The following HELZ variants were observed in gnomAD, a reference collection of about 807,000 sequenced individuals.
HELZ encodes the protein helicase with zinc finger.
Under a neutral mutation model 218.2 loss-of-function variants are expected in HELZ, and 23 were observed. The observed-to-expected ratio is 0.11, with a 90% confidence interval of 0.08 to 0.15. The LOEUF is 0.15. Ranked by LOEUF, HELZ falls within the 10% of genes least tolerant of loss-of-function variation. The pLI is 1.00. For synonymous variants in HELZ, 814 were observed against 829.4 expected (o/e 0.98, Z 0.32); for missense variants, 1,813 against 2,353.7 (o/e 0.77, Z 4.75).
At chr17:67,192,362 A>G (rs1161590109) in intron 9 of HELZ, among the ~76,000 whole-genome samples, 2 of 152,298 alleles carry the variant, frequency 1.3e-5, no homozygotes, top group African/African-American at 4.8e-5. Context: ...CAAATGGTTC[A>G]CCGTATTTGA....
chr17:67,166,294 G>A (rs535236652), intron 15 of HELZ, among the ~76,000 whole-genome samples, 184 bp downstream of exon 15: 3 of 152,272 alleles, frequency 2.0e-5, no homozygotes, highest in Non-Finnish European at 2.9e-5. Flanking sequence ...TTTAGACTCT[G>A]AGAAAAAGTA....
intron 1 of HELZ, 95 bp downstream of exon 1, chr17:67,245,053 C>T (rs1415033988): frequency 2.3e-5 from 23 of 984,794 alleles, no homozygotes; most frequent in Non-Finnish European, 2.7e-5. Flanking sequence ...GCCCGGGGTC[C>T]GGGACACCGG....
At chr17:67,085,553 T>TA (rs2036342802) in intron 32 of HELZ, among the ~76,000 whole-genome samples, 1 of 79,638 alleles carries the variant, frequency 1.3e-5, no homozygotes, top group Admixed American at 1.2e-4. Flanking sequence ...AGCTTTTAAA[T>TA]GTTTTTTTTT....
chr17:67,238,589 G>A (rs1015081712), intron 3 of HELZ, among the ~76,000 whole-genome samples: 1 of 152,040 alleles, frequency 6.6e-6, no homozygotes, highest in Admixed American at 6.6e-5. Flanking sequence ...GGCTGAGGCA[G>A]GAGAATTGCT....
intron 3 of HELZ, among the ~76,000 whole-genome samples, chr17:67,220,502 A>G (rs1208769838): frequency 6.6e-6 from 1 of 151,908 alleles, no homozygotes; most frequent in Non-Finnish European, 1.5e-5. Flanking sequence ...CTTTTTTTTG[A>G]GACAGGGTCT....
At chr17:67,131,899 A>G (rs953637540) in intron 23 of HELZ, among the ~76,000 whole-genome samples, 2 of 152,172 alleles carry the variant, frequency 1.3e-5, no homozygotes, top group Non-Finnish European at 2.9e-5. Context: ...GCATACAATT[A>G]TGAAGCATTT....
At chr17:67,204,997 T>C (rs990749034) in intron 5 of HELZ, among the ~76,000 whole-genome samples, 2 of 152,240 alleles carry the variant, frequency 1.3e-5, no homozygotes, top group African/African-American at 2.4e-5. Context: ...GAAACACGTA[T>C]AAATTTGCCA....
rs201529545 is a variant in HELZ at position 67,122,938 on chromosome 17, T to C, written c.3630+32A>G. 3 of 1,480,232 alleles carry C rather than the reference T, an allele frequency of 2.0e-6. No homozygotes were observed. In the African/African-American group the frequency reaches 4.2e-5, roughly 20 times the overall value. The allele number at this position is 1,480,232 out of a possible 1,614,324, so 91.7% of individuals were successfully genotyped here. A position where few individuals can be genotyped will look rare whatever the true frequency, so the allele number is the denominator to read the frequency against. On this transcript the variant is annotated intron_variant, in intron 26 of 32. Transcript: ENST00000358691. ...TTTTAGTGAAACCTATTTTACTTGA[T>C]TCAATAGAAAGTATTTCGAATGTCC...
rs2035948313 is a variant in HELZ, at chr17:67,073,692, A to G, written c.*4560T>C. On this transcript the variant is annotated 3_prime_UTR_variant, in exon 33 of 33. Coordinates refer to ENST00000358691, the MANE Select transcript of HELZ (RefSeq NM_014877.4). ...AAAGTAGACATTCTCAATTGGTTCA[A>G]AAATTTTAAACGTTACATTAAAATT... The G allele has an allele frequency of 6.6e-6, 1 of 152,220 alleles. No homozygotes were observed. The highest frequency in any genetic ancestry group is 2.4e-5 in the African/African-American group (1 of 41,468). 9.4% of individuals were successfully genotyped at this position (152,220 alleles called of 1,614,324 possible).
At chr17:67,119,284 T>C (rs1392418569) in intron 27 of HELZ, among the ~76,000 whole-genome samples, 1 of 152,208 alleles carries the variant, frequency 6.6e-6, no homozygotes, top group African/African-American at 2.4e-5. Context: ...CATATTGCGG[T>C]ACATCCATAC....
At chr17:67,152,950 A>T (rs1373387094) in intron 17 of HELZ, among the ~76,000 whole-genome samples, 2 of 152,134 alleles carry the variant, frequency 1.3e-5, no homozygotes, top group East Asian at 3.9e-4. Context: ...ACTGTGTTAA[A>T]TGCTGCTAAG....
At chr17:67,192,736 G>C (rs2144306526) in intron 9 of HELZ, among the ~76,000 whole-genome samples, 1 of 152,198 alleles carries the variant, frequency 6.6e-6, no homozygotes, top group East Asian at 1.9e-4. Context: ...GCTATCAAAA[G>C]TAATCTAAAG....
chr17:67,222,068 T>C (rs2040762006), intron 3 of HELZ, among the ~76,000 whole-genome samples: 1 of 152,112 alleles, frequency 6.6e-6, no homozygotes, highest in African/African-American at 2.4e-5. Context: ...TCTTAAACTC[T>C]TGGCCTCAAA....
chr17:67,239,762 A>T (rs1278770183), intron 2 of HELZ: 1 of 152,216 alleles, frequency 6.6e-6, no homozygotes, highest in Non-Finnish European at 1.5e-5. Context: ...CCTTATCTGG[A>T]AAATAAGTCA....
At chr17:67,231,045 A>G (rs565316134) in intron 3 of HELZ, among the ~76,000 whole-genome samples, 2 of 152,350 alleles carry the variant, frequency 1.3e-5, no homozygotes, top group South Asian at 4.1e-4. Context: ...ATCAGGAAGG[A>G]TAAGACACAG....
intron 13 of HELZ, among the ~76,000 whole-genome samples, chr17:67,171,204 T>C (rs771576945): frequency 2.0e-5 from 3 of 152,186 alleles, no homozygotes; most frequent in Non-Finnish European, 4.4e-5. Context: ...CCTGCCTTCC[T>C]TCTACTCTGT....
chr17:67,100,911 T>C (rs1002905782), intron 31 of HELZ, among the ~76,000 whole-genome samples: 5 of 151,722 alleles, frequency 3.3e-5, no homozygotes, highest in Admixed American at 6.6e-5. Context: ...CCATCCTGGC[T>C]AACATGGTGA....
rs116133891 is a variant in HELZ, at chr17:67,106,129, C to T, written c.5241+1040G>A. Among the ~76,000 whole-genome samples the T allele has an allele frequency of 5.6e-3, 853 of 152,042 alleles. 10 individuals are homozygous for T. Among genetic ancestry groups the T allele is most frequent in the African/African-American group, 0.018 (755 of 41,378 alleles). ...TGTCTCTGTCTGATATGACTACAAC[C>T]GGCTTTACACATTTTTATCTTTAAT... On this transcript the variant is annotated intron_variant, in intron 31 of 32. Transcript: ENST00000358691.
At chr17:67,110,877 AC>A (rs1260362235) in intron 28 of HELZ, among the ~76,000 whole-genome samples, 2 of 152,212 alleles carry the variant, frequency 1.3e-5, no homozygotes, top group Non-Finnish European at 2.9e-5. Context: ...GTAGAAGATA[AC>A]AATATGTAAA....
Sources: gnomAD v4.1 joint callset for allele counts (sites outside exome capture counted in the v4.1 genomes callset) on GRCh38, gnomAD v4.1.1 for gene constraint, MANE v1.5 for transcripts, NCBI Gene and HGNC (gene_info 2026-07-23, HGNC 2026-07-21) for gene names.